Variants in ARMC3 observed in about 807,000 individuals in gnomAD.
ARMC3 encodes armadillo repeat-containing protein 3.
ARMC3 carries 74 observed loss-of-function variants against 90.3 expected under a neutral mutation model. That is an observed-to-expected ratio of 0.82 (90% CI 0.68 to 0.99). The LOEUF (loss-of-function observed/expected upper bound fraction) is 0.99. ARMC3 is among the 50% of genes least tolerant of loss of function. The pLI is 0.00. For synonymous variants in ARMC3, 334 were observed against 361.8 expected (o/e 0.92, Z 0.87); for missense variants, 958 against 1,042.8 (o/e 0.92, Z 1.12).
At chr10:23,031,921 G>C (rs1375601415) in intron 17 of ARMC3, among the ~76,000 whole-genome samples, 1 of 151,700 alleles carries the variant, frequency 6.6e-6, no homozygotes, top group Non-Finnish European at 1.5e-5. Flanking sequence ...GTTCTTCTTT[G>C]CTTGGTTTTT....
At chr10:22,998,040 C>G in intron 10 of ARMC3, 108 bp from the exon 11 acceptor site, 1 of 1,301,940 alleles carries the variant, frequency 7.7e-7, no homozygotes, top group Admixed American at 2.7e-5. Context: ...TAATTTATTT[C>G]TAAAATCGTA....
intron 7 of ARMC3, among the ~76,000 whole-genome samples, chr10:22,964,391 T>A (rs1479828374): frequency 6.6e-6 from 1 of 152,134 alleles, no homozygotes; most frequent in Non-Finnish European, 1.5e-5. Flanking sequence ...TATATTTGTC[T>A]GATCTGTTTT....
At position 23,025,044 on chromosome 10, in the gene ARMC3, A is replaced by G. The variant is rs1838662814; in HGVS notation, c.2046-5552A>G. On this transcript the variant is annotated intron_variant, in intron 16 of 18. Transcript: ENST00000298032. ...GATCAAATGAATTAACTTATGAGGA[A>G]GACATAATGATCTAATGTGTGTGAA... Among the ~76,000 whole-genome samples, 4 of 152,202 alleles carry G rather than the reference A, an allele frequency of 2.6e-5. 1 individual carries two copies. The South Asian group carries it at 8.3e-4, about 31-fold the overall frequency.
intron 8 of ARMC3, among the ~76,000 whole-genome samples, chr10:22,975,126 T>A (rs1334054038): frequency 1.3e-5 from 2 of 152,234 alleles, no homozygotes; most frequent in African/African-American, 2.4e-5. Context: ...TCAGTTAAAA[T>A]TTTTTTAAGG....
At chr10:22,953,453 A>C (rs1007103117) in intron 3 of ARMC3, among the ~76,000 whole-genome samples, 1 of 152,212 alleles carries the variant, frequency 6.6e-6, no homozygotes, top group Non-Finnish European at 1.5e-5. Context: ...TACATGCAAA[A>C]CAACCTTTTT....
Position 23,010,929 on chromosome 10 carries a change from C to T in ARMC3, c.2045+1998C>T, listed in dbSNP as rs1162281298. Among the ~76,000 whole-genome samples the T allele has an allele frequency of 5.3e-4, 28 of 52,448 alleles. 1 individual carries two copies. The highest frequency in any genetic ancestry group is 1.1e-3 in the Non-Finnish European group (19 of 17,482). The allele number at this position is 52,448 out of a possible 152,430, so 34.4% of individuals were successfully genotyped here. On this transcript the variant is annotated intron_variant, in intron 16 of 18. Transcript: ENST00000298032. ...CTTCCCCTCTTCTTCCCTTCCCTCC[C>T]CCTTCCTTCCTTTCCCTTCCCTTCC...
At chr10:23,002,468 A>G (rs1249925120) in intron 12 of ARMC3, among the ~76,000 whole-genome samples, 1 of 152,098 alleles carries the variant, frequency 6.6e-6, no homozygotes, top group Non-Finnish European at 1.5e-5. Flanking sequence ...ACCCTCACCA[A>G]TCAGTTCTGT....
chr10:22,964,748 G>A (rs371611743), intron 7 of ARMC3, among the ~76,000 whole-genome samples: 1 of 148,188 alleles, frequency 6.7e-6, no homozygotes, highest in Non-Finnish European at 1.5e-5. Context: ...GCCCCCCGTA[G>A]TGTTTTTTTT....
At chr10:23,022,167 T>C (rs1360844462) in intron 16 of ARMC3, among the ~76,000 whole-genome samples, 1 of 152,238 alleles carries the variant, frequency 6.6e-6, no homozygotes, top group African/African-American at 2.4e-5. Flanking sequence ...ATTGAATGCT[T>C]TTAGGTTTTC....
chr10:23,007,239 G>A (rs187078518), intron 14 of ARMC3, among the ~76,000 whole-genome samples: 1 of 152,278 alleles, frequency 6.6e-6, no homozygotes, highest in Admixed American at 6.5e-5. Flanking sequence ...GTATTCTGAA[G>A]TCAAGGCCTC....
chr10:22,982,200 A>C (rs974715420), intron 10 of ARMC3, among the ~76,000 whole-genome samples: 1 of 152,202 alleles, frequency 6.6e-6, no homozygotes, highest in Admixed American at 6.5e-5. Flanking sequence ...AACATGGTGA[A>C]GCCCCATCTA....
chr10:22,976,081 G>T (rs187175850), intron 8 of ARMC3, among the ~76,000 whole-genome samples: 38 of 152,242 alleles, frequency 2.5e-4, no homozygotes, highest in African/African-American at 9.1e-4. Context: ...ATGCAGTATT[G>T]CAACGCCAGA....
chr10:22,967,352 C>T (rs1835483529), intron 7 of ARMC3, among the ~76,000 whole-genome samples: 1 of 152,116 alleles, frequency 6.6e-6, no homozygotes, highest in African/African-American at 2.4e-5. Flanking sequence ...CACAGGTTTT[C>T]TCCTTGTCAA....
intron 7 of ARMC3, among the ~76,000 whole-genome samples, chr10:22,967,803 C>G (rs1233985975): frequency 6.6e-6 from 1 of 152,204 alleles, no homozygotes; most frequent in East Asian, 1.9e-4. Context: ...GAGCATTTCT[C>G]ACTTTTGGGA....
intron 16 of ARMC3, among the ~76,000 whole-genome samples, chr10:23,019,293 A>G (rs1219128524): frequency 6.6e-6 from 1 of 152,226 alleles, no homozygotes; most frequent in Non-Finnish European, 1.5e-5. Flanking sequence ...AAAGACAGAC[A>G]TTCCATCTAT....
rs984105549 is a variant in ARMC3, at chr10:22,955,807, G to C, written c.167G>C (p.Gly56Ala). Reference protein sequence around the residue: ...CEAIYKFALKGEENKTTLLEL... With the variant: ...CEAIYKFALKAEENKTTLLEL... ...GGTTTTGTTTTACGTGTGATGTCAG[G>C]TGAGGAAAATAAAACAACCCTCCTT... The change falls in exon 4 of 19, where the codon GGT (glycine) becomes GCT (alanine). Residue 56 changes from glycine (G) to alanine (A), a missense_variant and splice_region_variant. By Grantham distance (60) the Gly-to-Ala change is moderately conservative. Transcript: ENST00000298032. The C allele has an allele frequency of 2.5e-6, 4 of 1,613,744 alleles. No individual in the cohort carries two copies. The highest frequency in any genetic ancestry group is 2.5e-6 in the Non-Finnish European group (3 of 1,179,884).
intron 6 of ARMC3, chr10:22,959,982 T>TA (rs1163907293): frequency 5.5e-6 from 2 of 365,068 alleles, no homozygotes; most frequent in South Asian, 2.1e-5. Context: ...TATTTGTTGC[T>TA]AAAAATCTAG....
In ARMC3 at chr10:23,037,396, A is replaced by G. The variant is rs1278227116; in HGVS notation, c.2536A>G (p.Met846Val). The change falls in exon 19 of 19, where the codon ATG becomes GTG. Residue 846 changes from methionine (M) to valine (V), a missense_variant. By Grantham distance (21) the Met-to-Val change is conservative. Transcript: ENST00000298032. ...GVIGGLPAPEMYVIDLMFHPG... is the reference protein window; with the variant it reads ...GVIGGLPAPEVYVIDLMFHPG... ...GATTGGGGGCCTCCCCGCTCCTGAGATGTACGTGATTGACCTCATGTTCCA... is the reference window on the plus strand; with the variant it reads ...GATTGGGGGCCTCCCCGCTCCTGAGGTGTACGTGATTGACCTCATGTTCCA... 11 of 1,613,908 alleles carry G rather than the reference A, an allele frequency of 6.8e-6. No individual in the cohort carries two copies. The highest frequency in any genetic ancestry group is 7.6e-6 in the Non-Finnish European group (9 of 1,179,952).
At chr10:23,004,357 T>C in intron 13 of ARMC3, among the ~76,000 whole-genome samples, 1 of 152,074 alleles carries the variant, frequency 6.6e-6, no homozygotes, top group East Asian at 1.9e-4. Context: ...AGATATGATC[T>C]GCAGACTTCA....
Sources: gnomAD v4.1 joint callset for allele counts (sites outside exome capture counted in the v4.1 genomes callset) on GRCh38, gnomAD v4.1.1 for gene constraint, MANE v1.5 for transcripts, NCBI Gene and HGNC (gene_info 2026-07-23, HGNC 2026-07-21) for gene names.